ITGA1: variants seen among roughly 807,000 people sequenced by gnomAD.
ITGA1 encodes the protein integrin alpha-1.
ITGA1 carries 85 observed loss-of-function variants against 145.9 expected under a neutral mutation model. That is an observed-to-expected ratio of 0.58 (90% CI 0.49 to 0.70). ITGA1 has a LOEUF of 0.70. Ranked by LOEUF, ITGA1 falls within the 30% of genes least tolerant of loss-of-function variation. The pLI, the probability that ITGA1 is intolerant of heterozygous loss-of-function variation, is 0.00. For synonymous variants in ITGA1, 520 were observed against 495.3 expected (o/e 1.05, Z -0.66); for missense variants, 1,351 against 1,418.7 (o/e 0.95, Z 0.77).
At position 52,944,948 on chromosome 5, in the gene ITGA1, T is replaced by C. The variant is rs1751111424; in HGVS notation, c.3291T>C (p.Tyr1097=). The C allele has an allele frequency of 6.2e-7, 1 of 1,608,554 alleles. No homozygotes were observed. Among genetic ancestry groups the C allele is most frequent in the Non-Finnish European group, 8.5e-7 (1 of 1,175,802 alleles). ...ILWKPTFIKS[Y]FSSLNLTIRG... ...AAATCCTATTTGCTTTTCAGTCATATTTTTCCAGCTTAAATCTTACTATAA... is the reference window on the plus strand; with the variant it reads ...AAATCCTATTTGCTTTTCAGTCATACTTTTCCAGCTTAAATCTTACTATAA... The change falls in exon 27 of 29, where the codon TAT becomes TAC. Residue 1097 remains tyrosine, a synonymous_variant. Coordinates refer to ENST00000282588, the MANE Select transcript of ITGA1 (RefSeq NM_181501.2).
chr5:52,876,978 G>A (rs1369968090), intron 6 of ITGA1, among the ~76,000 whole-genome samples: 1 of 152,162 alleles, frequency 6.6e-6, no homozygotes, highest in Admixed American at 6.6e-5. Flanking sequence ...ATATTGGGGA[G>A]TCCTGAAGAT....
intron 8 of ITGA1, among the ~76,000 whole-genome samples, chr5:52,890,149 C>T (rs1212118209): frequency 1.3e-5 from 2 of 152,166 alleles, no homozygotes; most frequent in African/African-American, 2.4e-5. Context: ...TACATCTGAG[C>T]ACATTTACCA....
intron 11 of ITGA1, chr5:52,902,957 T>C (rs1561242821): frequency 6.6e-6 from 1 of 152,206 alleles, no homozygotes; most frequent in Non-Finnish European, 1.5e-5. Flanking sequence ...CTTTTAAAAT[T>C]AGGCTTTACT....
At chr5:52,912,751 TA>T (rs1750585310) in intron 14 of ITGA1, among the ~76,000 whole-genome samples, 2 of 146,312 alleles carry the variant, frequency 1.4e-5, no homozygotes, top group Non-Finnish European at 3.0e-5. Context: ...TATATATATA[TA>T]TATTTTTTTT....
intron 9 of ITGA1, among the ~76,000 whole-genome samples, chr5:52,895,825 C>T (rs1414840816): frequency 6.6e-6 from 1 of 152,192 alleles, no homozygotes; most frequent in Non-Finnish European, 1.5e-5. Flanking sequence ...TTTGTTGCTA[C>T]ACTACACCAA....
At chr5:52,880,358 G>A (rs936221925) in intron 6 of ITGA1, among the ~76,000 whole-genome samples, 1 of 152,100 alleles carries the variant, frequency 6.6e-6, no homozygotes. Context: ...TCTTATTTAA[G>A]CATAAGGACA....
At chr5:52,789,442 T>C (rs939271854) in intron 1 of ITGA1, among the ~76,000 whole-genome samples, 2 of 152,224 alleles carry the variant, frequency 1.3e-5, no homozygotes, top group East Asian at 3.8e-4. Context: ...GCCAGCTAGT[T>C]TAGACCTGCC....
chr5:52,833,912 T>A (rs1749115101), intron 1 of ITGA1, among the ~76,000 whole-genome samples: 1 of 152,112 alleles, frequency 6.6e-6, no homozygotes, highest in Non-Finnish European at 1.5e-5. Flanking sequence ...CAAACTTACA[T>A]GAGATAATAA....
intron 19 of ITGA1, among the ~76,000 whole-genome samples, chr5:52,927,265 G>A (rs1750825911): frequency 6.6e-6 from 1 of 152,208 alleles, no homozygotes; most frequent in Non-Finnish European, 1.5e-5. Flanking sequence ...CTCTGCACCA[G>A]TCTTGGGTGT....
intron 1 of ITGA1, among the ~76,000 whole-genome samples, chr5:52,812,773 T>C (rs926790381): frequency 1.3e-5 from 2 of 151,356 alleles, no homozygotes; most frequent in African/African-American, 4.8e-5. Context: ...TAAGTTCATT[T>C]TGTTCCTTCT....
At position 52,918,418 on chromosome 5, in the gene ITGA1, C is replaced by T. The variant is rs550368328; in HGVS notation, c.1989-314C>T. Among the ~76,000 whole-genome samples the T allele has an allele frequency of 7.9e-5, 12 of 152,192 alleles. No homozygotes were observed. The South Asian group carries it at 2.5e-3, about 32-fold the overall frequency. ...ACTTCTTTCAAATTTGGAACAAACT[C>T]GTAAATCCCCAAAATACAGTTGATT... On this transcript the variant is annotated intron_variant, in intron 15 of 28. Transcript: ENST00000282588.
intron 1 of ITGA1, among the ~76,000 whole-genome samples, chr5:52,821,746 C>T (rs1181654993): frequency 6.6e-6 from 1 of 152,138 alleles, no homozygotes; most frequent in Admixed American, 6.6e-5. Context: ...ACTATTCAGC[C>T]TTAACATTTT....
Position 52,863,886 on chromosome 5 carries a change from C to T in ITGA1, c.296-877C>T, listed in dbSNP as rs1227964291. The T allele has an allele frequency of 2.0e-5, 3 of 152,140 alleles. No individual in the cohort carries two copies. The East Asian group carries it at 5.8e-4, about 29-fold the overall frequency. 9.4% of individuals were successfully genotyped at this position (152,140 alleles called of 1,614,324 possible). ...CAGCTCTAGGTGCTTTCAAAGCAAACCAGACTAAACTCTTGGACAAAGGCC... is the reference window on the plus strand; with the variant it reads ...CAGCTCTAGGTGCTTTCAAAGCAAATCAGACTAAACTCTTGGACAAAGGCC... On this transcript the variant is annotated intron_variant, in intron 3 of 28. Coordinates refer to ENST00000282588, the MANE Select transcript of ITGA1 (RefSeq NM_181501.2).
chr5:52,931,974 T>C lies in ITGA1; in HGVS notation c.2772-73T>C, dbSNP rs193137845. ...TTTAGTTGCCAGGATAAGCTTCTCT[T>C]TCAAACACTTAGAAATGTCTTTAAA... On this transcript the variant is annotated intron_variant, in intron 21 of 28. Transcript: ENST00000282588. 2.7e-4 allele frequency: 248 copies of C among 904,292 alleles called. No homozygotes were observed. In the East Asian group the frequency reaches 5.3e-3, roughly 19 times the overall value. The allele number at this position is 904,292 out of a possible 1,614,324, so 56.0% of individuals were successfully genotyped here. A position where few individuals can be genotyped will look rare whatever the true frequency, so the allele number is the denominator to read the frequency against.
chr5:52,871,477 G>T (rs953951873), intron 6 of ITGA1, among the ~76,000 whole-genome samples: 7 of 151,904 alleles, frequency 4.6e-5, no homozygotes, highest in Middle Eastern at 3.2e-3. Context: ...TACACATTTG[G>T]TACAATAGAT....
At chr5:52,803,290 A>G (rs1394765967) in intron 1 of ITGA1, 1 of 151,848 alleles carries the variant, frequency 6.6e-6, no homozygotes, top group Non-Finnish European at 1.5e-5. Context: ...TCCTAATTCA[A>G]AAGTAATTGA....
At chr5:52,910,864 A>G (rs940804872) in intron 14 of ITGA1, among the ~76,000 whole-genome samples, 8 of 141,444 alleles carry the variant, frequency 5.7e-5, no homozygotes, top group African/African-American at 2.0e-4. Context: ...TATACACACT[A>G]TATATAGTAT....
At chr5:52,862,772 A>G (rs577895146) in intron 3 of ITGA1, among the ~76,000 whole-genome samples, 2 of 152,388 alleles carry the variant, frequency 1.3e-5, no homozygotes, top group African/African-American at 4.8e-5. Flanking sequence ...TCTAGAAATT[A>G]GAACCCTGTC....
At position 52,925,304 on chromosome 5, in the gene ITGA1, TA is replaced by T; in HGVS notation, c.2432del (p.Lys811ArgfsTer20). The T allele has an allele frequency of 6.2e-7, 1 of 1,614,024 alleles. No homozygotes were observed. Among genetic ancestry groups the T allele is most frequent in the Non-Finnish European group, 8.5e-7 (1 of 1,179,942 alleles). Reference sequence around the variant, plus strand: ...TTCCCTTTGCCAAAGATTGTGGAAATAAGGAAAAATGTATCTCAGACCTCAG... The same window carrying T: ...TTCCCTTTGCCAAAGATTGTGGAAATAGGAAAAATGTATCTCAGACCTCAG... ...YIPFAKDCGN[K>X]EKCISDLSLH... On this transcript the variant is annotated frameshift_variant, in exon 19 of 29. Coordinates refer to ENST00000282588, the MANE Select transcript of ITGA1 (RefSeq NM_181501.2). LOFTEE classifies it high-confidence loss of function.
Sources: gnomAD v4.1 joint callset for allele counts (sites outside exome capture counted in the v4.1 genomes callset) on GRCh38, gnomAD v4.1.1 for gene constraint, MANE v1.5 for transcripts, NCBI Gene and HGNC (gene_info 2026-07-23, HGNC 2026-07-21) for gene names.